The following TRPM3 variants were observed in gnomAD, a reference collection of about 807,000 sequenced individuals.
TRPM3 encodes the protein long transient receptor potential channel 3.
A neutral mutation model predicts 181.2 loss-of-function variants in TRPM3; 77 were observed. The ratio of observed to expected loss-of-function variants is 0.42; its 90% confidence interval spans 0.35 to 0.51. The LOEUF is 0.51. Ranked by LOEUF, TRPM3 falls within the 20% of genes least tolerant of loss-of-function variation. TRPM3 has a pLI of 0.01. For synonymous variants in TRPM3, 745 were observed against 796.4 expected (o/e 0.94, Z 1.09); for missense variants, 1,759 against 2,196.7 (o/e 0.80, Z 3.98).
intron 1 of TRPM3, among the ~76,000 whole-genome samples, chr9:70,989,753 A>G (rs1227338100): frequency 6.6e-6 from 1 of 152,194 alleles, no homozygotes; most frequent in African/African-American, 2.4e-5. Flanking sequence ...ATCTTCTAAT[A>G]TACTTCAAAC....
chr9:71,025,436 G>T (rs570337960), intron 1 of TRPM3, among the ~76,000 whole-genome samples: 2 of 152,124 alleles, frequency 1.3e-5, no homozygotes, highest in Non-Finnish European at 2.9e-5. Flanking sequence ...ATGATTCATC[G>T]GAAAGAAGTA....
At chr9:71,168,561 T>C (rs1254490680) in intron 1 of TRPM3, among the ~76,000 whole-genome samples, 3 of 113,382 alleles carry the variant, frequency 2.6e-5, no homozygotes, top group Non-Finnish European at 5.4e-5. Flanking sequence ...TATTTATTTA[T>C]TTATTTATTT....
intron 1 of TRPM3, among the ~76,000 whole-genome samples, chr9:71,058,656 A>C (rs376033412): frequency 6.6e-6 from 1 of 152,164 alleles, no homozygotes; most frequent in East Asian, 1.9e-4. Context: ...CCTGTAATAG[A>C]CATAACGCCA....
At chr9:71,310,087 G>T (rs1211266447) in intron 1 of TRPM3, among the ~76,000 whole-genome samples, 1 of 151,972 alleles carries the variant, frequency 6.6e-6, no homozygotes, top group East Asian at 1.9e-4. Flanking sequence ...ATGAGATCTT[G>T]GGTAGCCTAT....
chr9:70,740,892 A>G (rs1482847623), intron 8 of TRPM3, among the ~76,000 whole-genome samples: 1 of 152,220 alleles, frequency 6.6e-6, no homozygotes, highest in African/African-American at 2.4e-5. Context: ...ACCCTTCTAG[A>G]CATTGGCTCA....
chr9:70,694,436 A>G (rs1432185119), intron 8 of TRPM3, among the ~76,000 whole-genome samples: 1 of 152,112 alleles, frequency 6.6e-6, no homozygotes, highest in Non-Finnish European at 1.5e-5. Context: ...TAATTCCTTA[A>G]CAACATCCAT....
intron 1 of TRPM3, among the ~76,000 whole-genome samples, chr9:70,866,702 G>A: frequency 6.6e-6 from 1 of 151,998 alleles, no homozygotes; most frequent in East Asian, 1.9e-4. Flanking sequence ...AGATATATAG[G>A]AAGCTTATTT....
At chr9:71,184,211 A>G (rs7038986) in intron 1 of TRPM3, among the ~76,000 whole-genome samples, 65,833 of 151,898 alleles carry the variant, frequency 0.43, 14,609 homozygotes, top group East Asian at 0.52. Flanking sequence ...TAAGAACAAC[A>G]GCTCTCAAAC....
intron 1 of TRPM3, among the ~76,000 whole-genome samples, chr9:71,325,038 G>T (rs927346604): frequency 1.5e-4 from 23 of 152,078 alleles, no homozygotes; most frequent in Non-Finnish European, 3.1e-4. Context: ...AAACAGAGTA[G>T]AGTGGCTATA....
intron 8 of TRPM3, among the ~76,000 whole-genome samples, chr9:70,744,331 A>AG (rs1001671084): frequency 6.7e-6 from 1 of 148,762 alleles, no homozygotes; most frequent in Admixed American, 6.7e-5. Flanking sequence ...CTCTGTCTCA[A>AG]AAAAAAAAAA....
chr9:71,204,812 C>T (rs2453364), intron 1 of TRPM3, among the ~76,000 whole-genome samples: 64,458 of 151,216 alleles, frequency 0.43, 13,957 homozygotes, highest in East Asian at 0.52. Context: ...TGGAACCAAG[C>T]GAAATGTCCA....
chr9:70,843,204 A>G, intron 4 of TRPM3, 77 bp from the exon 5 acceptor site: 1 of 1,462,382 alleles, frequency 6.8e-7, no homozygotes, highest in Non-Finnish European at 9.3e-7. Flanking sequence ...AACTGTGGTA[A>G]TGGTTTCTCC....
At chr9:70,659,967 G>A (rs1047380259) in intron 9 of TRPM3, among the ~76,000 whole-genome samples, 2 of 152,102 alleles carry the variant, frequency 1.3e-5, no homozygotes, top group African/African-American at 2.4e-5. Context: ...TCTTTTGTCT[G>A]TTGTTGTTTT....
chr9:71,251,480 TA>T (rs1027733238), intron 1 of TRPM3, among the ~76,000 whole-genome samples: 2 of 152,098 alleles, frequency 1.3e-5, no homozygotes, highest in African/African-American at 2.4e-5. Flanking sequence ...TTTAACTAAA[TA>T]AAAAAATTAT....
chr9:70,675,315 G>C (rs1163881059), intron 9 of TRPM3, among the ~76,000 whole-genome samples: 1 of 151,980 alleles, frequency 6.6e-6, no homozygotes, highest in Non-Finnish European at 1.5e-5. Flanking sequence ...TGGCCAGGCT[G>C]GTCTTGAACT....
chr9:71,198,567 C>A (rs1192691751), intron 1 of TRPM3, among the ~76,000 whole-genome samples: 3 of 148,726 alleles, frequency 2.0e-5, no homozygotes, highest in Non-Finnish European at 4.5e-5. Flanking sequence ...GTTTGTAGTT[C>A]TCCTTGAAGA....
At chr9:70,545,441 A>C (rs1342361960) in intron 25 of TRPM3, among the ~76,000 whole-genome samples, 2 of 152,096 alleles carry the variant, frequency 1.3e-5, no homozygotes, top group Non-Finnish European at 2.9e-5. Flanking sequence ...CAATGAAATG[A>C]TCTTGGGATA....
chr9:70,622,044 G>A (rs1192116113), intron 14 of TRPM3, among the ~76,000 whole-genome samples: 1 of 152,100 alleles, frequency 6.6e-6, no homozygotes. Context: ...TATTAGGGGG[G>A]ACACTTTCTG....
chr9:71,443,637 A>C (rs2094164118), intron 1 of TRPM3, among the ~76,000 whole-genome samples: 1 of 152,118 alleles, frequency 6.6e-6, no homozygotes, highest in African/African-American at 2.4e-5. Context: ...TTGGGTTTCT[A>C]AGATTAGCGT....
Sources: gnomAD v4.1 joint callset for allele counts (sites outside exome capture counted in the v4.1 genomes callset) on GRCh38, gnomAD v4.1.1 for gene constraint, MANE v1.5 for transcripts, NCBI Gene and HGNC (gene_info 2026-07-23, HGNC 2026-07-21) for gene names.